Variants in PRSS27 observed in about 807,000 individuals in gnomAD.
PRSS27 encodes the protein channel-activating protease 2.
In PRSS27, 25 loss-of-function variants were observed where a neutral mutation model predicts 32.0. That is an observed-to-expected ratio of 0.78 (90% CI 0.57 to 1.09). The LOEUF is 1.09. PRSS27 is among the 50% of genes least tolerant of loss of function. PRSS27 has a pLI of 0.00. For missense variants in PRSS27, 401 were observed against 394.9 expected, an observed-to-expected ratio of 1.02 and a Z score of -0.13; for synonymous variants, 178 against 172.2, an observed-to-expected ratio of 1.03 and a Z score of -0.26.
In PRSS27 at chr16:2,715,864, C is replaced by A. The variant is rs747237408; in HGVS notation, c.90G>T (p.Arg30Ser). ...GCCCGCCCACCATTCGGTTCAGCAT[C>A]CTGGGGCGACCACAGGCTGGGGGAG... ...AKAATACGRPRMLNRMVGGQD... is the reference protein window; with the variant it reads ...AKAATACGRPSMLNRMVGGQD... Residue 30 changes from arginine (R) to serine (S), a missense_variant, in exon 3 of 6, where the codon AGG (arginine) becomes AGT (serine). Coordinates refer to ENST00000302641, the MANE Select transcript of PRSS27 (RefSeq NM_031948.5). 6.3e-7 allele frequency: 1 copy of A among 1,583,154 alleles called. No homozygotes were observed. The highest frequency in any genetic ancestry group is 1.1e-5 in the South Asian group (1 of 89,118).
chr16:2,719,571 C>T (rs1351793351), intron 1 of PRSS27, among the ~76,000 whole-genome samples: 1 of 152,132 alleles, frequency 6.6e-6, no homozygotes, highest in African/African-American at 2.4e-5. Flanking sequence ...GGCGCATCAC[C>T]GGTTCCTCTG....
chr16:2,712,827 C>A lies in PRSS27; in HGVS notation c.679-13G>T. 1.3e-6 allele frequency: 2 copies of A among 1,527,162 alleles called. No homozygotes were observed. The highest frequency in any genetic ancestry group is 2.1e-5 in the Admixed American group (1 of 47,624). The allele number at this position is 1,527,162 out of a possible 1,614,324, so 94.6% of individuals were successfully genotyped here. On this transcript the variant is annotated splice_polypyrimidine_tract_variant and intron_variant, in intron 5 of 5. Coordinates refer to ENST00000302641, the MANE Select transcript of PRSS27 (RefSeq NM_031948.5). This position sits in a 1 kb window ranked among gnomAD's most constrained non-coding sequence, Gnocchi z 4.6. ...CGCCCGAGTCGCCCTGCGGGGGACG[C>A]AGAGTCACCGTCAGAGCCCACCTTG...
At chr16:2,716,434 C>A (rs981141908) in intron 2 of PRSS27, 66 bp downstream of exon 2, 4 of 1,464,328 alleles carry the variant, frequency 2.7e-6, no homozygotes, top group Non-Finnish European at 3.8e-6. Context: ...TCCCTCTGGC[C>A]ATGAGTGTCC....
rs141477948 is a variant in PRSS27, at chr16:2,714,495, G to A, written c.237-159C>T. 1.7e-4 allele frequency: 140 copies of A among 805,012 alleles called. No individual in the cohort carries two copies. Among genetic ancestry groups the A allele is most frequent in the Non-Finnish European group, 2.6e-4 (130 of 509,098 alleles). The allele number at this position is 805,012 out of a possible 1,614,324, so 49.9% of individuals were successfully genotyped here. On this transcript the variant is annotated intron_variant, in intron 3 of 5. Coordinates refer to ENST00000302641, the MANE Select transcript of PRSS27 (RefSeq NM_031948.5). The surrounding 1 kb of genome is among the most constrained non-coding windows in gnomAD (Gnocchi z 4.7). ...GGACAGCCAGGTGCAGCGGTGATGC[G>A]TGTTGACATTGAAGCCAGACCGCCC... is the stretch of plus-strand genomic sequence containing the variant.
Position 2,712,663 on chromosome 16 carries a change from G to A in PRSS27, c.830C>T (p.Pro277Leu). Residue 277 changes from proline to leucine, a missense_variant, in exon 6 of 6, where the codon CCC becomes CTC. Coordinates refer to ENST00000302641, the MANE Select transcript of PRSS27 (RefSeq NM_031948.5). This position sits in a 1 kb window ranked among gnomAD's most constrained non-coding sequence, Gnocchi z 4.6. The part of the protein sequence containing the change: ...AHHNWIHRII[P>L]KLQFQPARLG... ...CCTCGCTGGCTGGAACTGCAGTTTGGGGATGATCCGATGGATCCAGTTGTG... is the reference window on the plus strand; with the variant it reads ...CCTCGCTGGCTGGAACTGCAGTTTGAGGATGATCCGATGGATCCAGTTGTG... 6.3e-7 allele frequency: 1 copy of A among 1,599,054 alleles called. No homozygotes were observed. The highest frequency in any genetic ancestry group is 8.5e-7 in the Non-Finnish European group (1 of 1,172,734).
At chr16:2,716,308 C>T in intron 2 of PRSS27, 192 bp downstream of exon 2, 1 of 636,112 alleles carries the variant, frequency 1.6e-6, no homozygotes, top group Non-Finnish European at 2.8e-6. Flanking sequence ...AGGCTCTGTG[C>T]TGCCCGTCCT....
In PRSS27 at chr16:2,712,873, C is replaced by T; in HGVS notation, c.679-59G>A. The stretch of plus-strand genomic sequence containing the variant: ...CCTTGAGTTCCCAGAGACTCAGTTG[C>T]AGCCGCACAGGAGGTGTGTAGCTCC... On this transcript the variant is annotated intron_variant, in intron 5 of 5. Coordinates refer to ENST00000302641, the MANE Select transcript of PRSS27 (RefSeq NM_031948.5). The surrounding 1 kb of genome is among the most constrained non-coding windows in gnomAD (Gnocchi z 4.6). 4 of 1,337,140 alleles carry T rather than the reference C, an allele frequency of 3.0e-6. No individual in the cohort carries two copies. The highest frequency in any genetic ancestry group is 3.0e-6 in the Non-Finnish European group (3 of 999,320). 82.8% of individuals were successfully genotyped at this position (1,337,140 alleles called of 1,614,324 possible). A position where few individuals can be genotyped will look rare whatever the true frequency, so the allele number is the denominator to read the frequency against.
At chr16:2,713,849 C>A in intron 4 of PRSS27, 151 bp from the exon 5 acceptor site, 1 of 1,024,044 alleles carries the variant, frequency 9.8e-7, no homozygotes. Context: ...CTCCCTCCTT[C>A]CAGGCAGCAG....
Position 2,714,448 on chromosome 16 carries a change from A to G in PRSS27, c.237-112T>C. ...CGTGCCCCACACCTCTCTCTGCACA[A>G]TGTCTTCGAGAGTCATCTCTAGGAC... On this transcript the variant is annotated intron_variant, in intron 3 of 5. Transcript: ENST00000302641. The surrounding 1 kb of genome is among the most constrained non-coding windows in gnomAD (Gnocchi z 4.7). The G allele has an allele frequency of 3.2e-6, 4 of 1,234,774 alleles. No individual in the cohort carries two copies. The highest frequency in any genetic ancestry group is 4.6e-6 in the Non-Finnish European group (4 of 875,202). The allele number at this position is 1,234,774 out of a possible 1,614,324, so 76.5% of individuals were successfully genotyped here. A position where few individuals can be genotyped will look rare whatever the true frequency, so the allele number is the denominator to read the frequency against.
chr16:2,713,748 AC>A lies in PRSS27; in HGVS notation c.509-51del, dbSNP rs558638097. The stretch of plus-strand genomic sequence containing the variant: ...GGCTCAACGGACTTCCTCATCAAGA[AC>A]CCACGGCCCCGGGAACCACCACTCC... On this transcript the variant is annotated intron_variant, in intron 4 of 5. Coordinates refer to ENST00000302641, the MANE Select transcript of PRSS27 (RefSeq NM_031948.5). The A allele has an allele frequency of 2.3e-4, 373 of 1,590,108 alleles. 1 individual carries two copies. In the African/African-American group the frequency reaches 4.5e-3, roughly 19 times the overall value.
At chr16:2,719,906 G>A (rs748120881) in intron 1 of PRSS27, among the ~76,000 whole-genome samples, 14 of 152,118 alleles carry the variant, frequency 9.2e-5, no homozygotes, top group Non-Finnish European at 2.1e-4. Context: ...TGGGGCCTGT[G>A]CGCACACCTC....
At chr16:2,716,405 T>C in intron 2 of PRSS27, 95 bp downstream of exon 2, 1 of 1,162,686 alleles carries the variant, frequency 8.6e-7, no homozygotes, top group South Asian at 1.3e-5. Flanking sequence ...AATTCCCCAG[T>C]GTCCTGTGCG....
chr16:2,712,742 C>T lies in PRSS27; in HGVS notation c.751G>A (p.Glu251Lys). 1.3e-6 allele frequency: 2 copies of T among 1,587,870 alleles called. No individual in the cohort carries two copies. Among genetic ancestry groups the T allele is most frequent in the South Asian group, 1.1e-5 (1 of 87,852 alleles). The change falls in exon 6 of 6, where the codon GAG becomes AAG. Residue 251 changes from glutamate (E) to lysine (K), a missense_variant. Glu to Lys is a moderately conservative substitution (Grantham distance 56). Coordinates refer to ENST00000302641, the MANE Select transcript of PRSS27 (RefSeq NM_031948.5). This position sits in a 1 kb window ranked among gnomAD's most constrained non-coding sequence, Gnocchi z 4.6. ...GGGCGGTTCTGGCGGGCACAGCCCTCACCCCAGCTGATCACCCCCGCCTGC... is the reference window on the plus strand; with the variant it reads ...GGGCGGTTCTGGCGGGCACAGCCCTTACCCCAGCTGATCACCCCCGCCTGC... ...WLQAGVISWG[E>K]GCARQNRPGV...
In PRSS27 at chr16:2,713,604, A is replaced by C. The variant is rs1438661058; in HGVS notation, c.603T>G (p.Phe201Leu). 6.2e-7 allele frequency: 1 copy of C among 1,614,068 alleles called. No individual in the cohort carries two copies. The highest frequency in any genetic ancestry group is 1.3e-5 in the African/African-American group (1 of 74,926). ...CNLLYSKDTEFGYQPKTIKND... is the reference protein window; with the variant it reads ...CNLLYSKDTELGYQPKTIKND... The stretch of plus-strand genomic sequence containing the variant: ...TCTTGATGGTTTTGGGTTGGTAGCC[A>C]AACTCGGTGTCTTTGCTGTAGAGCA... The change falls in exon 5 of 6, where the codon TTT (phenylalanine) becomes TTG (leucine). Residue 201 changes from phenylalanine to leucine, a missense_variant. Transcript: ENST00000302641.
chr16:2,715,764 G>A lies in PRSS27; in HGVS notation c.190C>T (p.Leu64Phe), dbSNP rs1375432028. Residue 64 changes from leucine to phenylalanine, a missense_variant, in exon 3 of 6, where the codon CTC (leucine) becomes TTC (phenylalanine). Physicochemically the swap from Leu to Phe is conservative, Grantham distance 22 (BLOSUM62 0). Coordinates refer to ENST00000302641, the MANE Select transcript of PRSS27 (RefSeq NM_031948.5). ...GTCAGGACCCACTGCTCCGCGATGA[G>A]GCTGCCCCCGCAGAAGTGGCTTCCG... ...RNGSHFCGGS[L>F]IAEQWVLTAA... is the part of the protein sequence containing the mutation. 5 of 1,588,858 alleles carry A rather than the reference G, an allele frequency of 3.1e-6. No homozygotes were observed. The highest frequency in any genetic ancestry group is 4.3e-6 in the Non-Finnish European group (5 of 1,171,252).
chr16:2,718,315 CTTT>C (rs869140922), intron 1 of PRSS27: 7 of 130,386 alleles, frequency 5.4e-5, no homozygotes, highest in Admixed American at 7.7e-5. Context: ...AAGTCCTAGT[CTTT>C]TTTTTTTTTT....
At chr16:2,719,879 A>G (rs1305514184) in intron 1 of PRSS27, among the ~76,000 whole-genome samples, 2 of 152,110 alleles carry the variant, frequency 1.3e-5, no homozygotes, top group Non-Finnish European at 2.9e-5. Flanking sequence ...CTGCCCAGTT[A>G]TGCCGGTGGG....
In PRSS27 at chr16:2,714,350, C is replaced by T. The variant is rs1224415863; in HGVS notation, c.237-14G>A. 1.9e-6 allele frequency: 3 copies of T among 1,610,470 alleles called. No homozygotes were observed. Among genetic ancestry groups the T allele is most frequent in the Non-Finnish European group, 2.5e-6 (3 of 1,179,862 alleles). ...GTCTCAGAGGTGCTGGCGGGAGAAA[C>T]AGAGAGGCGGCGTGAGGCGGCCCCT... On this transcript the variant is annotated splice_polypyrimidine_tract_variant and intron_variant, in intron 3 of 5. Coordinates refer to ENST00000302641, the MANE Select transcript of PRSS27 (RefSeq NM_031948.5). The surrounding 1 kb of genome is among the most constrained non-coding windows in gnomAD (Gnocchi z 4.7).
At chr16:2,713,865 G>A (rs2067682488) in intron 4 of PRSS27, among the ~76,000 whole-genome samples, 167 bp from the exon 5 acceptor site, 1 of 152,168 alleles carries the variant, frequency 6.6e-6, no homozygotes, top group East Asian at 1.9e-4. Flanking sequence ...AGCAGGCTGG[G>A]CCCTTTCTGT....
Sources: allele counts gnomAD v4.1 joint callset (sites outside exome capture counted in the v4.1 genomes callset), GRCh38; gene constraint gnomAD v4.1.1; non-coding constraint Gnocchi (gnomAD v3.1); transcripts MANE v1.5; gene names NCBI Gene and HGNC (gene_info 2026-07-23, HGNC 2026-07-21).